The following TCN1 variants were observed in gnomAD, a reference collection of about 807,000 sequenced individuals.
TCN1 encodes transcobalamin-1.
A neutral mutation model predicts 46.3 loss-of-function variants in TCN1; 47 were observed. The observed-to-expected ratio is 1.01, with a 90% CI of 0.80 to 1.29. The LOEUF (loss-of-function observed/expected upper bound fraction) is 1.29, where lower values mean the gene tolerates loss of function less well. TCN1 is among the 50% of genes most tolerant of loss of function. The pLI, the probability that TCN1 is intolerant of heterozygous loss-of-function variation, is 0.00. For missense variants in TCN1, 532 were observed against 511.0 expected, an observed-to-expected ratio of 1.04 and a Z score of -0.40; for synonymous variants, 183 against 192.5, an observed-to-expected ratio of 0.95 and a Z score of 0.41.
chr11:59,857,946 A>G (rs770951987), intron 5 of TCN1, among the ~76,000 whole-genome samples: 3 of 152,122 alleles, frequency 2.0e-5, no homozygotes, highest in Non-Finnish European at 2.9e-5. Flanking sequence ...TCAGCGGGGG[A>G]TACATTCCAA....
intron 5 of TCN1, among the ~76,000 whole-genome samples, chr11:59,858,671 A>G (rs1315610067): frequency 6.6e-6 from 1 of 152,162 alleles, no homozygotes; most frequent in Admixed American, 6.5e-5. Flanking sequence ...GGCCAATAAG[A>G]AAGGAAAAAG....
chr11:59,857,454 A>G (rs1852956486), intron 5 of TCN1, among the ~76,000 whole-genome samples: 1 of 152,238 alleles, frequency 6.6e-6, no homozygotes, highest in Admixed American at 6.5e-5. Flanking sequence ...TAACCTTATG[A>G]CTGGACCCGT....
chr11:59,854,260 G>C (rs1349503694), intron 7 of TCN1, among the ~76,000 whole-genome samples: 1 of 151,358 alleles, frequency 6.6e-6, no homozygotes, highest in Non-Finnish European at 1.5e-5. Flanking sequence ...CAATTTTTGT[G>C]TGTATGTTCA....
intron 5 of TCN1, among the ~76,000 whole-genome samples, chr11:59,857,661 T>C (rs371458177): frequency 5.9e-5 from 9 of 152,184 alleles, no homozygotes; most frequent in African/African-American, 1.9e-4. Context: ...TAAAGTTTTT[T>C]TTTTTTCTGT....
intron 7 of TCN1, among the ~76,000 whole-genome samples, chr11:59,854,064 G>T (rs992301458): frequency 6.6e-6 from 1 of 151,222 alleles, no homozygotes; most frequent in Non-Finnish European, 1.5e-5. Context: ...GAAAGCGAGG[G>T]CAGGGAGAAG....
At position 59,854,731 on chromosome 11, in the gene TCN1, T is replaced by A. The variant is rs780924973; in HGVS notation, c.1042A>T (p.Thr348Ser). ...YSVRINETYF[T>S]NVTVLNGSVF... is the part of the protein sequence containing the mutation. Reference sequence around the variant, plus strand: ...GAACCATTTAGCACAGTGACATTGGTGAAATATGTTTCATTGATTCTCACA... The same window carrying A: ...GAACCATTTAGCACAGTGACATTGGAGAAATATGTTTCATTGATTCTCACA... Residue 348 changes from threonine to serine, a missense_variant, in exon 7 of 9, where the codon ACC (threonine) becomes TCC (serine). Physicochemically the swap from Thr to Ser is moderately conservative, Grantham distance 58. Transcript: ENST00000257264. 24 of 1,613,958 alleles carry A rather than the reference T, an allele frequency of 1.5e-5. No homozygotes were observed. Among genetic ancestry groups the A allele is most frequent in the Non-Finnish European group, 2.0e-5 (24 of 1,179,942 alleles).
At chr11:59,865,035 G>A (rs1464012425) in intron 1 of TCN1, among the ~76,000 whole-genome samples, 1 of 152,094 alleles carries the variant, frequency 6.6e-6, no homozygotes, top group East Asian at 1.9e-4. Flanking sequence ...TACAGATATT[G>A]GACAAGAAAC....
In TCN1 at chr11:59,853,066, C is replaced by G. The variant is rs748003601; in HGVS notation, c.1241-30G>C. On this transcript the variant is annotated intron_variant, in intron 8 of 8. Coordinates refer to ENST00000257264, the MANE Select transcript of TCN1 (RefSeq NM_001062.4). Reference sequence around the variant, plus strand: ...AAAGGAAGAAGAAAGAGAACTGGGTCAAATGATTTGGCCACTAAATCACCA... The same window carrying G: ...AAAGGAAGAAGAAAGAGAACTGGGTGAAATGATTTGGCCACTAAATCACCA... 6.3e-5 allele frequency: 102 copies of G among 1,612,730 alleles called. No individual in the cohort carries two copies. The Admixed American group carries it at 1.7e-3, about 26-fold the overall frequency.
At chr11:59,860,207 G>A (rs1309646411) in intron 4 of TCN1, among the ~76,000 whole-genome samples, 1 of 152,078 alleles carries the variant, frequency 6.6e-6, no homozygotes, top group African/African-American at 2.4e-5. Flanking sequence ...CGATCTCCCT[G>A]CGAACTCTGC....
chr11:59,862,859 G>A (rs975559619), intron 2 of TCN1, 137 bp from the exon 3 acceptor site: 24 of 978,986 alleles, frequency 2.5e-5, no homozygotes, highest in Non-Finnish European at 3.6e-5. Flanking sequence ...CTTAATGATA[G>A]GGATAAATTC....
Position 59,859,074 on chromosome 11 carries a change from T to G in TCN1, c.747+3A>C, listed in dbSNP as rs746891267. The G allele has an allele frequency of 3.4e-5, 55 of 1,612,810 alleles. No individual in the cohort carries two copies. The highest frequency in any genetic ancestry group is 4.7e-5 in the Non-Finnish European group (55 of 1,179,996). On this transcript the variant is annotated splice_donor_region_variant and intron_variant, in intron 5 of 8. Coordinates refer to ENST00000257264, the MANE Select transcript of TCN1 (RefSeq NM_001062.4). ...CTGCCTCCTGTTTCACCCTCTGACT[T>G]ACCTGCATGGCTTCTCCTGTGCTAA...
At chr11:59,855,788 G>A (rs1268485769) in intron 6 of TCN1, 81 bp downstream of exon 6, 3 of 1,522,204 alleles carry the variant, frequency 2.0e-6, no homozygotes, top group African/African-American at 1.4e-5. Flanking sequence ...GTCACTTTTG[G>A]TTTCAAAGGA....
At position 59,861,571 on chromosome 11, in the gene TCN1, G is replaced by T. The variant is rs745506667; in HGVS notation, c.512C>A (p.Thr171Asn). The change falls in exon 4 of 9, where the codon ACT (threonine) becomes AAT (asparagine). Residue 171 changes from threonine to asparagine, a missense_variant. Coordinates refer to ENST00000257264, the MANE Select transcript of TCN1 (RefSeq NM_001062.4). ...YSTAEVVNHF[T>N]PENKNYYFGS... Reference sequence around the variant, plus strand: ...AAAATAATAGTTTTTATTTTCAGGAGTGAAGTGGTTGACAACTTCGGCGGT... The same window carrying T: ...AAAATAATAGTTTTTATTTTCAGGATTGAAGTGGTTGACAACTTCGGCGGT... 5 of 1,614,132 alleles carry T rather than the reference G, an allele frequency of 3.1e-6. No individual in the cohort carries two copies. The South Asian group carries it at 4.4e-5, about 14-fold the overall frequency.
At chr11:59,856,085 G>GC in intron 5 of TCN1, 27 bp from the exon 6 acceptor site, 13 of 585,318 alleles carry the variant, frequency 2.2e-5, no homozygotes, top group East Asian at 4.9e-5. Flanking sequence ...GGGTGGGGGG[G>GC]TGATGAGAGA....
At chr11:59,865,389 G>A (rs961136143) in intron 1 of TCN1, among the ~76,000 whole-genome samples, 5 of 152,114 alleles carry the variant, frequency 3.3e-5, no homozygotes, top group Non-Finnish European at 7.4e-5. Flanking sequence ...TATTTAAAAT[G>A]AATTGAAAGC....
chr11:59,861,735 G>T, intron 3 of TCN1, 53 bp from the exon 4 acceptor site: 1 of 1,576,848 alleles, frequency 6.3e-7, no homozygotes, highest in Non-Finnish European at 8.7e-7. Flanking sequence ...AATGGCGTAT[G>T]CATTTTCCAT....
rs773885242 is a variant in TCN1 at position 59,859,224 on chromosome 11, C to G, written c.600G>C (p.Lys200Asn). Residue 200 changes from lysine to asparagine, a missense_variant, in exon 5 of 9, where the codon AAG becomes AAC. Coordinates refer to ENST00000257264, the MANE Select transcript of TCN1 (RefSeq NM_001062.4). The part of the protein sequence containing the change: ...MAVLALTCVK[K>N]SLINGQIKAD... The stretch of plus-strand genomic sequence containing the variant: ...CTTTGATCTGCCCATTTATTAGACT[C>G]TTCTTCACACAGGTCAGAGCCAGGA... The G allele has an allele frequency of 6.2e-7, 1 of 1,613,992 alleles. No individual in the cohort carries two copies. The highest frequency in any genetic ancestry group is 2.2e-5 in the East Asian group (1 of 44,880).
intron 2 of TCN1, 130 bp downstream of exon 2, chr11:59,863,777 C>A: frequency 1.9e-6 from 2 of 1,059,668 alleles, no homozygotes; most frequent in South Asian, 1.3e-5. Flanking sequence ...TTTCTGTTAC[C>A]TCAAGTTTGG....
intron 5 of TCN1, 104 bp downstream of exon 5, chr11:59,858,973 C>T: frequency 7.4e-7 from 1 of 1,354,230 alleles, no homozygotes; most frequent in Non-Finnish European, 1.0e-6. Context: ...ATTGCAACTC[C>T]AGCCTGGGCA....
Sources: gnomAD v4.1 joint callset for allele counts (sites outside exome capture counted in the v4.1 genomes callset) on GRCh38, gnomAD v4.1.1 for gene constraint, MANE v1.5 for transcripts, NCBI Gene and HGNC (gene_info 2026-07-23, HGNC 2026-07-21) for gene names.